Variants in CDADC1 observed in about 807,000 individuals in gnomAD.
CDADC1 encodes dCTP deaminase.
A neutral mutation model predicts 54.9 loss-of-function variants in CDADC1; 39 were observed. That is an observed-to-expected ratio of 0.71 (90% CI 0.55 to 0.93). The LOEUF (loss-of-function observed/expected upper bound fraction) is 0.93. Ranked by LOEUF, CDADC1 falls within the 40% of genes least tolerant of loss-of-function variation. CDADC1 has a pLI of 0.00. For synonymous variants in CDADC1, 186 were observed against 204.0 expected (o/e 0.91, Z 0.75); for missense variants, 518 against 618.8 (o/e 0.84, Z 1.73).
At chr13:49,270,080 T>C (rs1952925273) in intron 5 of CDADC1, among the ~76,000 whole-genome samples, 1 of 152,166 alleles carries the variant, frequency 6.6e-6, no homozygotes, top group Non-Finnish European at 1.5e-5. Flanking sequence ...GAAGAAACCA[T>C]GTCTTAATCA....
chr13:49,286,163 C>A, intron 8 of CDADC1, 59 bp from the exon 9 acceptor site: 1 of 1,311,628 alleles, frequency 7.6e-7, no homozygotes, highest in Non-Finnish European at 1.1e-6. Context: ...AATCAATGTG[C>A]TGGAATGCTA....
In CDADC1 at chr13:49,282,236, G is replaced by GGTTTT. The variant is rs1555315245; in HGVS notation, c.1410+1538_1410+1539insGTTTT. 7.8e-3 allele frequency among the ~76,000 whole-genome samples: 738 copies of GGTTTT among 94,088 alleles called. 1 individual carries two copies. Among genetic ancestry groups the GGTTTT allele is most frequent in the East Asian group, 0.015 (42 of 2,840 alleles). 61.7% of individuals were successfully genotyped at this position (94,088 alleles called of 152,430 possible). ...ACTATTTGGGTTCTGGTTTTTGTGG[G>GGTTTT]TTTTTTTTTTTTTTTTTTTGCTTTT... On this transcript the variant is annotated intron_variant, in intron 8 of 9. Transcript: ENST00000251108.
At position 49,278,363 on chromosome 13, in the gene CDADC1, G is replaced by A; in HGVS notation, c.1064G>A (p.Gly355Glu). Reference protein sequence around the residue: ...WAEGKSRSCDGTGAMYFVGCG... With the variant: ...WAEGKSRSCDETGAMYFVGCG... The stretch of plus-strand genomic sequence containing the variant: ...TCACTCTCGTAGAGAAGTTGTGATG[G>A]AACAGGTGCCATGTACTTTGTAGGA... Residue 355 changes from glycine (G) to glutamate (E), a missense_variant, in exon 7 of 10, where the codon GGA becomes GAA. Transcript: ENST00000251108. 2 of 1,559,780 alleles carry A rather than the reference G, an allele frequency of 1.3e-6. No individual in the cohort carries two copies. The highest frequency in any genetic ancestry group is 1.8e-6 in the Non-Finnish European group (2 of 1,141,598).
At chr13:49,267,307 T>G (rs923784711) in intron 4 of CDADC1, among the ~76,000 whole-genome samples, 183 bp from the exon 5 acceptor site, 3 of 152,188 alleles carry the variant, frequency 2.0e-5, no homozygotes, top group Non-Finnish European at 2.9e-5. Flanking sequence ...AGACTGGCAG[T>G]GGACTGGATT....
chr13:49,292,286 TA>T lies in CDADC1; in HGVS notation c.*532del. On this transcript the variant is annotated 3_prime_UTR_variant, in exon 10 of 10. Coordinates refer to ENST00000251108, the MANE Select transcript of CDADC1 (RefSeq NM_030911.4). ...CTTAATTAGAATTGACTCATAAAAA[TA>T]AAGTTAGTGGACTTTGTCTCCATTT... is the stretch of plus-strand genomic sequence containing the variant. The T allele has an allele frequency of 1.0e-6, 1 of 979,034 alleles. No homozygotes were observed. Among genetic ancestry groups the T allele is most frequent in the Non-Finnish European group, 1.2e-6 (1 of 822,456 alleles). The allele number at this position is 979,034 out of a possible 1,614,324, so 60.6% of individuals were successfully genotyped here.
intron 9 of CDADC1, 80 bp downstream of exon 9, chr13:49,286,362 A>C (rs1593855999): frequency 1.0e-6 from 1 of 1,000,468 alleles, no homozygotes; most frequent in African/African-American, 1.6e-5. Context: ...AGGTGATGAA[A>C]ATTGTGTTAA....
intron 8 of CDADC1, among the ~76,000 whole-genome samples, 162 bp downstream of exon 8, chr13:49,280,860 T>G (rs1003972504): frequency 2.0e-5 from 3 of 150,852 alleles, no homozygotes; most frequent in South Asian, 2.1e-4. Flanking sequence ...TGAGACAGAG[T>G]CTCTCTCTGT....
rs770895956 is a variant in CDADC1 at position 49,292,441 on chromosome 13, A to C, written c.*684A>C. 75 of 1,010,686 alleles carry C rather than the reference A, an allele frequency of 7.4e-5. No homozygotes were observed. Among genetic ancestry groups the C allele is most frequent in the Non-Finnish European group, 8.8e-5 (74 of 845,162 alleles). 62.6% of individuals were successfully genotyped at this position (1,010,686 alleles called of 1,614,324 possible). On this transcript the variant is annotated 3_prime_UTR_variant, in exon 10 of 10. Coordinates refer to ENST00000251108, the MANE Select transcript of CDADC1 (RefSeq NM_030911.4). ...ATCACTGACTCTTGAAATCACTAAC[A>C]GTGAACCTCAAATTTGGTTATGATG... is the stretch of plus-strand genomic sequence containing the variant.
intron 6 of CDADC1, among the ~76,000 whole-genome samples, chr13:49,274,730 T>A (rs371760593): frequency 1.3e-3 from 198 of 152,284 alleles, no homozygotes; most frequent in African/African-American, 4.5e-3. Context: ...TATAAAGATT[T>A]GCTCATCCCT....
In CDADC1 at chr13:49,248,098, A is replaced by T. The variant is rs1952337479; in HGVS notation, c.61A>T (p.Thr21Ser). ...CGCGAGGGCCGGGCGGTCAGTCAGC[A>T]CCCAGACTGGCAGCATGACCGGTGA... Reference protein sequence around the residue: ...ESARAGRSVSTQTGSMTGQIP... With the variant: ...ESARAGRSVSSQTGSMTGQIP... Residue 21 changes from threonine to serine, a missense_variant, in exon 1 of 10, where the codon ACC (threonine) becomes TCC (serine). Coordinates refer to ENST00000251108, the MANE Select transcript of CDADC1 (RefSeq NM_030911.4). 1 of 1,552,696 alleles carries T rather than the reference A, an allele frequency of 6.4e-7. No homozygotes were observed. The highest frequency in any genetic ancestry group is 1.4e-5 in the African/African-American group (1 of 73,196).
chr13:49,275,783 A>T (rs888456193), intron 6 of CDADC1, among the ~76,000 whole-genome samples: 1 of 84,188 alleles, frequency 1.2e-5, no homozygotes, highest in Non-Finnish European at 2.4e-5. Flanking sequence ...AGAGAGAGAG[A>T]GAGAGAGAGA....
At chr13:49,255,037 G>A (rs924450072) in intron 2 of CDADC1, among the ~76,000 whole-genome samples, 5 of 152,302 alleles carry the variant, frequency 3.3e-5, no homozygotes, top group African/African-American at 1.2e-4. Context: ...GTAGGTAAGA[G>A]GTCTGAAATG....
At chr13:49,286,763 G>GA (rs1352828099) in intron 9 of CDADC1, among the ~76,000 whole-genome samples, 1 of 152,136 alleles carries the variant, frequency 6.6e-6, no homozygotes, top group Non-Finnish European at 1.5e-5. Flanking sequence ...CTACCATAAT[G>GA]AATTACTAGT....
chr13:49,285,958 C>T (rs1444453269), intron 8 of CDADC1, among the ~76,000 whole-genome samples: 11 of 151,956 alleles, frequency 7.2e-5, no homozygotes, highest in African/African-American at 1.5e-4. Flanking sequence ...GGACTACAGG[C>T]GCGTGCCACC....
intron 7 of CDADC1, among the ~76,000 whole-genome samples, chr13:49,280,253 T>C (rs1249594068): frequency 6.6e-6 from 1 of 152,158 alleles, no homozygotes; most frequent in African/African-American, 2.4e-5. Flanking sequence ...AATCTGAAAC[T>C]GAACCTCTTA....
At chr13:49,260,737 CA>C (rs201220019) in intron 4 of CDADC1, among the ~76,000 whole-genome samples, 1 of 151,648 alleles carries the variant, frequency 6.6e-6, no homozygotes, top group Non-Finnish European at 1.5e-5. Flanking sequence ...GATCAAAAAA[CA>C]AAAAAAACTA....
At chr13:49,284,595 C>T (rs7997545) in intron 8 of CDADC1, among the ~76,000 whole-genome samples, 45,012 of 152,056 alleles carry the variant, frequency 0.3, 6,779 homozygotes, top group East Asian at 0.5. Context: ...TAATTTTAAA[C>T]ATTTTTTTGG....
chr13:49,259,276 T>G (rs546357990), intron 3 of CDADC1, 70 bp from the exon 4 acceptor site: 2 of 1,044,850 alleles, frequency 1.9e-6, no homozygotes, highest in African/African-American at 3.3e-5. Flanking sequence ...TATTAATAAT[T>G]CAAGTATAAT....
intron 4 of CDADC1, among the ~76,000 whole-genome samples, chr13:49,260,327 G>A (rs4942811): frequency 0.3 from 45,012 of 152,064 alleles, 6,788 homozygotes; most frequent in East Asian, 0.5. Context: ...TTGCTAAACA[G>A]CAGGCAGCTT....
Sources: gnomAD v4.1 joint callset for allele counts (sites outside exome capture counted in the v4.1 genomes callset) on GRCh38, gnomAD v4.1.1 for gene constraint, MANE v1.5 for transcripts, NCBI Gene and HGNC (gene_info 2026-07-23, HGNC 2026-07-21) for gene names.